NT5DC2: variants seen among roughly 807,000 people sequenced by gnomAD.
NT5DC2 encodes the protein 5'-nucleotidase domain-containing protein 2.
Under a neutral mutation model 70.0 loss-of-function variants are expected in NT5DC2, and 41 were observed. The observed-to-expected ratio is 0.59, with a 90% CI of 0.46 to 0.76. The LOEUF (loss-of-function observed/expected upper bound fraction) is 0.76. NT5DC2 is among the 30% of genes least tolerant of loss of function. The pLI is 0.00. For missense variants in NT5DC2, 705 were observed against 783.2 expected, an observed-to-expected ratio of 0.90 and a Z score of 1.19; for synonymous variants, 299 against 310.4, an observed-to-expected ratio of 0.96 and a Z score of 0.39.
rs1219617833 is a variant in NT5DC2 at position 52,533,782 on chromosome 3, C to A, written c.-45G>T. Reference sequence around the variant, plus strand: ...CCGCCCGCGCTGCCCTCGGCCAGCCCGCCGCCCGCCGCCCGCCGCCCTCCG... The same window carrying A: ...CCGCCCGCGCTGCCCTCGGCCAGCCAGCCGCCCGCCGCCCGCCGCCCTCCG... On this transcript the variant is annotated 5_prime_UTR_variant, in exon 1 of 14. Coordinates refer to ENST00000422318, the MANE Select transcript of NT5DC2 (RefSeq NM_001134231.2). 3 of 933,626 alleles carry A rather than the reference C, an allele frequency of 3.2e-6. No homozygotes were observed. The highest frequency in any genetic ancestry group is 3.8e-6 in the Non-Finnish European group (3 of 792,382). 57.8% of individuals were successfully genotyped at this position (933,626 alleles called of 1,614,324 possible).
Position 52,528,313 on chromosome 3 carries a change from T to TG in NT5DC2, c.643-3dup. 1 of 1,613,168 alleles carries TG rather than the reference T, an allele frequency of 6.2e-7. No individual in the cohort carries two copies. The highest frequency in any genetic ancestry group is 8.5e-7 in the Non-Finnish European group (1 of 1,180,008). ...CATGAACTGCTTAATGGAGGGACCCTGGGGAGGGGGCCATTGTCTCAGACA... is the reference window on the plus strand; with the variant it reads ...CATGAACTGCTTAATGGAGGGACCCTGGGGGAGGGGGCCATTGTCTCAGACA... On this transcript the variant is annotated splice_region_variant and splice_polypyrimidine_tract_variant and intron_variant, in intron 5 of 13. Coordinates refer to ENST00000422318, the MANE Select transcript of NT5DC2 (RefSeq NM_001134231.2).
At chr3:52,533,001 C>T (rs1311755227) in intron 1 of NT5DC2, among the ~76,000 whole-genome samples, 1 of 152,158 alleles carries the variant, frequency 6.6e-6, no homozygotes, top group Non-Finnish European at 1.5e-5. Flanking sequence ...CTTCGCTGCC[C>T]GGGCTGAGAG....
In NT5DC2 at chr3:52,529,341, G is replaced by T. The variant is rs1336484784; in HGVS notation, c.233-7C>A. 4 of 1,612,728 alleles carry T rather than the reference G, an allele frequency of 2.5e-6. No homozygotes were observed. The highest frequency in any genetic ancestry group is 1.7e-5 in the Admixed American group (1 of 59,942). ...ACCTCGGGGGGCAGGAGGTCTAGAG[G>T]AAGGAGATGCAGGGAGGCAGTGATG... is the stretch of plus-strand genomic sequence containing the variant. On this transcript the variant is annotated splice_polypyrimidine_tract_variant and splice_region_variant and intron_variant, in intron 1 of 13. Coordinates refer to ENST00000422318, the MANE Select transcript of NT5DC2 (RefSeq NM_001134231.2). This position sits in a 1 kb window ranked among gnomAD's most constrained non-coding sequence, Gnocchi z 4.1.
Position 52,524,733 on chromosome 3 carries a change from T to TGGCGA in NT5DC2, c.1413-7_1413-3dup, listed in dbSNP as rs1224836049. 1.2e-6 allele frequency: 2 copies of TGGCGA among 1,612,490 alleles called. No individual in the cohort carries two copies. The highest frequency in any genetic ancestry group is 1.7e-6 in the Non-Finnish European group (2 of 1,179,936). ...TTGAACAGGGCCTTGGTGATGCACC[T>TGGCGA]GGCGAGGGAGACACGATGCGCTCAA... On this transcript the variant is annotated splice_polypyrimidine_tract_variant and splice_region_variant and intron_variant, in intron 13 of 13. Coordinates refer to ENST00000422318, the MANE Select transcript of NT5DC2 (RefSeq NM_001134231.2).
intron 6 of NT5DC2, 24 bp from the exon 7 acceptor site, chr3:52,528,097 G>A: frequency 1.2e-6 from 2 of 1,612,900 alleles, no homozygotes; most frequent in Non-Finnish European, 1.7e-6. Context: ...AGGACAATGA[G>A]GGTACAGCAG....
Position 52,531,887 on chromosome 3 carries a change from A to G in NT5DC2, c.232+1619T>C, listed in dbSNP as rs2079363503. On this transcript the variant is annotated intron_variant, in intron 1 of 13. Transcript: ENST00000422318. The surrounding 1 kb of genome is among the most constrained non-coding windows in gnomAD (Gnocchi z 4.1). ...GTGAGGCAGTCCCACTTATTCCCCC[A>G]TCGTCCGGAGGAAGAAACTGGGGCT... 6.6e-6 allele frequency among the ~76,000 whole-genome samples: 1 copy of G among 152,038 alleles called. No homozygotes were observed. Among genetic ancestry groups the G allele is most frequent in the African/African-American group, 2.4e-5 (1 of 41,386 alleles).
In NT5DC2 at chr3:52,527,322, C is replaced by A. The variant is rs372853249; in HGVS notation, c.1091G>T (p.Arg364Leu). ...KGSLQWDRIT[R>L]LEKGKIYRQG... ...CCGATAGATCTTGCCCTTTTCCAAG[C>A]GGGTGATCCGGTCCCACTGAAGTGA... is the stretch of plus-strand genomic sequence containing the variant. The change falls in exon 10 of 14, where the codon CGC becomes CTC. Residue 364 changes from arginine to leucine, a missense_variant. Transcript: ENST00000422318. 1 of 1,614,146 alleles carries A rather than the reference C, an allele frequency of 6.2e-7. No homozygotes were observed.
chr3:52,527,263 C>G, intron 10 of NT5DC2, 31 bp downstream of exon 10: 2 of 1,607,796 alleles, frequency 1.2e-6, no homozygotes, highest in African/African-American at 2.7e-5. Context: ...CATGCCCCCA[C>G]CACATGCTGC....
chr3:52,525,284 A>C lies in NT5DC2; in HGVS notation c.1131T>G (p.Phe377Leu), dbSNP rs780894528. The C allele has an allele frequency of 1.2e-6, 2 of 1,612,714 alleles. No individual in the cohort carries two copies. The highest frequency in any genetic ancestry group is 1.7e-6 in the Non-Finnish European group (2 of 1,179,872). ...GCCATTCCGTCAAGCGTAAGAAGTC[A>C]AACAGGTTTCCCTAGGGAGAGGAGG... ...KGKIYRQGNLFDFLRLTEWRG... is the reference protein window; with the variant it reads ...KGKIYRQGNLLDFLRLTEWRG... The change falls in exon 11 of 14, where the codon TTT (phenylalanine) becomes TTG (leucine). Residue 377 changes from phenylalanine to leucine, a missense_variant. Coordinates refer to ENST00000422318, the MANE Select transcript of NT5DC2 (RefSeq NM_001134231.2).
intron 1 of NT5DC2, among the ~76,000 whole-genome samples, chr3:52,530,590 C>T (rs2079346479): frequency 6.6e-6 from 1 of 152,094 alleles, no homozygotes; most frequent in Non-Finnish European, 1.5e-5. Context: ...TGGCACACAC[C>T]TACAGTCCCT....
At chr3:52,525,187 A>AGCCCAGCCCTGCCTCCCTCACCGCC (rs1158268149) in intron 11 of NT5DC2, 22 bp downstream of exon 11, 12 of 1,601,980 alleles carry the variant, frequency 7.5e-6, no homozygotes, top group Non-Finnish European at 1.0e-5. Context: ...CCCCCACTGC[A>AGCCCAGCCCTGCCTCCCTCACCGCC]GCCCAGCCCT....
chr3:52,526,697 T>C (rs1248658116), intron 10 of NT5DC2, among the ~76,000 whole-genome samples: 3 of 152,244 alleles, frequency 2.0e-5, no homozygotes, highest in Non-Finnish European at 4.4e-5. Flanking sequence ...TCTTGCATTG[T>C]TGCCCAGGCT....
rs764495289 is a variant in NT5DC2 at position 52,527,354 on chromosome 3, C to T, written c.1059G>A (p.Glu353=). 3.1e-6 allele frequency: 5 copies of T among 1,614,162 alleles called. No individual in the cohort carries two copies. The highest frequency in any genetic ancestry group is 8.5e-7 in the Non-Finnish European group (1 of 1,180,022). The change falls in exon 10 of 14, where the codon GAG becomes GAA. Residue 353 remains glutamate, a synonymous_variant. Coordinates refer to ENST00000422318, the MANE Select transcript of NT5DC2 (RefSeq NM_001134231.2). ...TCCGGTCCCACTGAAGTGAGCCCTT[C>T]TCATCGAGTTTTCTGAAAGGCCTGG... ...DRRKPFRKLD[E]KGSLQWDRIT...
rs901416219 is a variant in NT5DC2, at chr3:52,528,143, A to AG, written c.771+39dup. ...GGGCTGTCCCACTGTGGCTGGACTT[A>AG]GTCTTTCCTGCCATCCGAGGGCAGG... On this transcript the variant is annotated intron_variant, in intron 6 of 13. Coordinates refer to ENST00000422318, the MANE Select transcript of NT5DC2 (RefSeq NM_001134231.2). 6 of 1,612,930 alleles carry AG rather than the reference A, an allele frequency of 3.7e-6. No homozygotes were observed. The Admixed American group carries it at 5.0e-5, about 13-fold the overall frequency.
rs1411447569 is a variant in NT5DC2, at chr3:52,525,275, T to TAAGA, written c.1136_1139dup (p.Leu380PhefsTer21). On this transcript the variant is annotated frameshift_variant, in exon 11 of 14. Coordinates refer to ENST00000422318, the MANE Select transcript of NT5DC2 (RefSeq NM_001134231.2). LOFTEE classifies it high-confidence loss of function. ...GGGGGCCACGCCATTCCGTCAAGCG[T>TAAGA]AAGAAGTCAAACAGGTTTCCCTAGG... 4 of 1,612,678 alleles carry TAAGA rather than the reference T, an allele frequency of 2.5e-6. No homozygotes were observed. Among genetic ancestry groups the TAAGA allele is most frequent in the African/African-American group, 2.7e-5 (2 of 74,906 alleles).
chr3:52,526,025 C>T (rs2153234596), intron 10 of NT5DC2: 1 of 150,062 alleles, frequency 6.7e-6, no homozygotes, highest in African/African-American at 2.4e-5. Flanking sequence ...GAAAGAGTCT[C>T]AAAGGGCAGG....
chr3:52,525,457 CT>C, intron 10 of NT5DC2, 162 bp from the exon 11 acceptor site: 1 of 623,866 alleles, frequency 1.6e-6, no homozygotes. Flanking sequence ...TCACTTTCCC[CT>C]CCTACTTGGG....
intron 2 of NT5DC2, 37 bp from the exon 3 acceptor site, chr3:52,528,972 C>A: frequency 1.9e-6 from 3 of 1,611,086 alleles, no homozygotes; most frequent in Non-Finnish European, 2.5e-6. Context: ...AGCCAATAGC[C>A]CTGCCAGACC....
Position 52,524,889 on chromosome 3 carries a change from C to T in NT5DC2, c.1348-8G>A. The T allele has an allele frequency of 6.2e-7, 1 of 1,612,204 alleles. No homozygotes were observed. The highest frequency in any genetic ancestry group is 1.1e-5 in the South Asian group (1 of 91,066). The stretch of plus-strand genomic sequence containing the variant: ...CTCCGCGTCCTGATAGGTCTGGGGA[C>T]ACAAAGTGTGCATTGGGTGTGTGCA... On this transcript the variant is annotated splice_polypyrimidine_tract_variant and splice_region_variant and intron_variant, in intron 12 of 13. Coordinates refer to ENST00000422318, the MANE Select transcript of NT5DC2 (RefSeq NM_001134231.2).
Sources: gnomAD v4.1 joint callset for allele counts (sites outside exome capture counted in the v4.1 genomes callset) on GRCh38, gnomAD v4.1.1 for gene constraint, Gnocchi (gnomAD v3.1) non-coding constraint, MANE v1.5 for transcripts, NCBI Gene and HGNC (gene_info 2026-07-23, HGNC 2026-07-21) for gene names.